The following P3H2 variants were observed in gnomAD, a reference collection of about 807,000 sequenced individuals.
The protein encoded by P3H2 is leprecan-like 1.
Under a neutral mutation model 87.0 loss-of-function variants are expected in P3H2, and 80 were observed. The observed-to-expected ratio is 0.92, with a 90% CI of 0.77 to 1.11. P3H2 has a LOEUF of 1.11. P3H2 is among the 50% of genes least tolerant of loss of function. The probability of loss-of-function intolerance (pLI) is 0.00; values close to 1 mark genes in which losing one functional copy is unlikely to be tolerated. For missense variants in P3H2, 1,001 were observed against 923.9 expected, an observed-to-expected ratio of 1.08 and a Z score of -1.08; for synonymous variants, 367 against 359.3, an observed-to-expected ratio of 1.02 and a Z score of -0.24.
intron 1 of P3H2, among the ~76,000 whole-genome samples, chr3:190,087,493 G>A (rs1022260114): frequency 1.5e-4 from 21 of 135,896 alleles, no homozygotes; most frequent in Admixed American, 3.3e-4. Flanking sequence ...GCAGTGAGCC[G>A]AGATCACACC....
chr3:190,056,992 G>T (rs1306069033), intron 1 of P3H2, among the ~76,000 whole-genome samples: 1 of 152,144 alleles, frequency 6.6e-6, no homozygotes, highest in Non-Finnish European at 1.5e-5. Flanking sequence ...GGATAACTTG[G>T]ATTCATTTAT....
chr3:189,994,305 A>AAAAC lies in P3H2; in HGVS notation c.634-26_634-23dup, dbSNP rs3836444. On this transcript the variant is annotated intron_variant, in intron 2 of 14. Transcript: ENST00000319332. ...TCTCCTGTAATGAAACAGACGGGAAAAAACAAACAAACAAACAAACAAACA... is the reference window on the plus strand; with the variant it reads ...TCTCCTGTAATGAAACAGACGGGAAAAAACAAACAAACAAACAAACAAACAAACA... 594,620 of 1,223,486 alleles carry AAAAC rather than the reference A, an allele frequency of 0.49. 151,868 individuals carry two copies. Among genetic ancestry groups the AAAAC allele is most frequent in the East Asian group, 0.57 (23,835 of 41,526 alleles). The allele number at this position is 1,223,486 out of a possible 1,614,324, so 75.8% of individuals were successfully genotyped here. A position where few individuals can be genotyped will look rare whatever the true frequency, so the allele number is the denominator to read the frequency against.
intron 13 of P3H2, among the ~76,000 whole-genome samples, chr3:189,967,349 T>C (rs959860847): frequency 6.6e-6 from 1 of 150,990 alleles, no homozygotes; most frequent in Admixed American, 6.6e-5. Flanking sequence ...GAGAATATTA[T>C]CTGCTTTCAC....
intron 1 of P3H2, among the ~76,000 whole-genome samples, chr3:190,011,737 C>T (rs1416766666): frequency 6.6e-6 from 1 of 152,150 alleles, no homozygotes; most frequent in Non-Finnish European, 1.5e-5. Context: ...CATAGATTAA[C>T]TTACAACACA....
At chr3:190,062,310 T>A (rs1302552234) in intron 1 of P3H2, among the ~76,000 whole-genome samples, 1 of 152,168 alleles carries the variant, frequency 6.6e-6, no homozygotes, top group Admixed American at 6.6e-5. Context: ...TAATTCTGTG[T>A]CCTATATCAT....
chr3:190,113,424 T>C (rs957572532), intron 1 of P3H2, among the ~76,000 whole-genome samples: 4 of 152,232 alleles, frequency 2.6e-5, no homozygotes, highest in African/African-American at 9.6e-5. Flanking sequence ...CTTTCCTCCC[T>C]TGCTTTTACG....
At chr3:189,991,506 A>G (rs1723875757) in intron 3 of P3H2, among the ~76,000 whole-genome samples, 1 of 152,222 alleles carries the variant, frequency 6.6e-6, no homozygotes, top group South Asian at 2.1e-4. Context: ...TTCATTCATT[A>G]ATCAACCCAT....
chr3:190,095,750 G>A (rs35564380), intron 1 of P3H2, among the ~76,000 whole-genome samples: 13 of 151,928 alleles, frequency 8.6e-5, no homozygotes, highest in South Asian at 2.1e-4. Context: ...ACAGGCGCCC[G>A]CCACCACGCC....
rs543273525 is a variant in P3H2, at chr3:189,977,389, T to A, written c.1325-2704A>T. Among the ~76,000 whole-genome samples the A allele has an allele frequency of 4.3e-4, 65 of 152,122 alleles. 1 individual carries two copies. Among genetic ancestry groups the A allele is most frequent in the Middle Eastern group, 3.4e-3 (1 of 294 alleles). On this transcript the variant is annotated intron_variant, in intron 8 of 14. Coordinates refer to ENST00000319332, the MANE Select transcript of P3H2 (RefSeq NM_018192.4). Reference sequence around the variant, plus strand: ...GGGCGTCCTCCAGCCAACAACCAACTAGGAACTAAAAGGCCATAGTCCAAC... The same window carrying A: ...GGGCGTCCTCCAGCCAACAACCAACAAGGAACTAAAAGGCCATAGTCCAAC...
chr3:189,989,671 A>G (rs917639427), intron 3 of P3H2, among the ~76,000 whole-genome samples: 2 of 152,206 alleles, frequency 1.3e-5, no homozygotes, highest in African/African-American at 4.8e-5. Context: ...ATATTCTAAT[A>G]CTAAGTACAT....
At chr3:190,106,712 T>A (rs1338396675) in intron 1 of P3H2, among the ~76,000 whole-genome samples, 1 of 152,204 alleles carries the variant, frequency 6.6e-6, no homozygotes, top group East Asian at 1.9e-4. Flanking sequence ...AAACTCAAGC[T>A]ATGAGAAGTG....
At chr3:189,968,690 AACTAATTTAC>A (rs1723075870) in intron 13 of P3H2, among the ~76,000 whole-genome samples, 1 of 152,178 alleles carries the variant, frequency 6.6e-6, no homozygotes, top group Non-Finnish European at 1.5e-5. Flanking sequence ...ACAATGGTTG[AACTAATTTAC>A]ACTCCCACCA....
At chr3:189,993,074 G>A (rs552342123) in intron 3 of P3H2, among the ~76,000 whole-genome samples, 57 of 152,078 alleles carry the variant, frequency 3.7e-4, no homozygotes, top group Non-Finnish European at 6.9e-4. Context: ...CGTAATCCCA[G>A]TACTTTGGGA....
At chr3:189,971,829 G>A (rs760564806) in intron 12 of P3H2, 61 bp downstream of exon 12, 41 of 1,033,998 alleles carry the variant, frequency 4.0e-5, no homozygotes, top group Non-Finnish European at 6.1e-5. Flanking sequence ...CACCTTTCCA[G>A]TTTTCACTGC....
chr3:189,974,765 G>A, intron 8 of P3H2, 80 bp from the exon 9 acceptor site: 1 of 1,559,424 alleles, frequency 6.4e-7, no homozygotes, highest in Non-Finnish European at 8.8e-7. Flanking sequence ...AGCTTTCAAT[G>A]TGCAATTCGA....
At chr3:189,997,498 C>T (rs904037041) in intron 1 of P3H2, among the ~76,000 whole-genome samples, 5 of 152,160 alleles carry the variant, frequency 3.3e-5, no homozygotes, top group African/African-American at 1.2e-4. Context: ...TTTTGCCACT[C>T]AATTATTAAA....
rs185203154 is a variant in P3H2 at position 190,065,643 on chromosome 3, T to C, written c.480+54609A>G. On this transcript the variant is annotated intron_variant, in intron 1 of 14. Transcript: ENST00000319332. ...AATACAGGATTCAAAAAAATATTGT[T>C]TGGCCTATTCTGTCATTTCCTTAAT... 5.9e-5 allele frequency among the ~76,000 whole-genome samples: 9 copies of C among 152,256 alleles called. No homozygotes were observed. The East Asian group carries it at 1.7e-3, about 29-fold the overall frequency.
intron 1 of P3H2, among the ~76,000 whole-genome samples, chr3:190,118,663 A>G (rs1422939194): frequency 6.6e-6 from 1 of 151,982 alleles, no homozygotes; most frequent in Non-Finnish European, 1.5e-5. Flanking sequence ...TAAGATTTAT[A>G]CTTAGTTGAA....
upstream of P3H2, among the ~76,000 whole-genome samples, chr3:190,121,982 C>T (rs559347549): frequency 1.4e-3 from 204 of 151,104 alleles, no homozygotes; most frequent in South Asian, 0.027. Flanking sequence ...GACCCAGCTA[C>T]TCAGGAGGCT....
Sources: gnomAD v4.1 joint callset for allele counts (sites outside exome capture counted in the v4.1 genomes callset) on GRCh38, gnomAD v4.1.1 for gene constraint, MANE v1.5 for transcripts, NCBI Gene and HGNC (gene_info 2026-07-23, HGNC 2026-07-21) for gene names.